NR6A1: variants seen among roughly 807,000 people sequenced by gnomAD.
NR6A1 encodes the protein nuclear receptor subfamily 6 group A member 1, also known as retinoic acid receptor-related testis-associated receptor.
NR6A1 carries 7 observed loss-of-function variants against 59.1 expected under a neutral mutation model. That is an observed-to-expected ratio of 0.12 (90% CI 0.07 to 0.22). NR6A1 has a LOEUF of 0.22. Among genes scored for constraint, NR6A1 ranks in the 10% least tolerant of loss-of-function variants. The pLI is 1.00. For synonymous variants in NR6A1, 243 were observed against 236.1 expected (o/e 1.03, Z -0.27); for missense variants, 468 against 611.6 (o/e 0.77, Z 2.48).
chr9:124,740,519 G>A (rs1031077838), intron 1 of NR6A1, among the ~76,000 whole-genome samples: 1 of 152,116 alleles, frequency 6.6e-6, no homozygotes. Flanking sequence ...GTCAAAATAG[G>A]TCTTGAAATT....
rs560418028 is a variant in NR6A1, at chr9:124,655,659, T to C, written c.142+77649A>G. On this transcript the variant is annotated intron_variant, in intron 2 of 9. Transcript: ENST00000487099. ...TAACAGAATTACTAGGAATATAGTATGTATTAGGTGTCATCCAGGAAGGCT... is the reference window on the plus strand; with the variant it reads ...TAACAGAATTACTAGGAATATAGTACGTATTAGGTGTCATCCAGGAAGGCT... Among the ~76,000 whole-genome samples, 91 of 152,206 alleles carry C rather than the reference T, an allele frequency of 6.0e-4. 1 individual carries two copies. The South Asian group carries it at 0.018, about 30-fold the overall frequency.
At chr9:124,632,595 A>C (rs997032584) in intron 2 of NR6A1, among the ~76,000 whole-genome samples, 1 of 152,152 alleles carries the variant, frequency 6.6e-6, no homozygotes, top group Non-Finnish European at 1.5e-5. Flanking sequence ...TTTTAGATTT[A>C]GGAGAAAGGA....
At chr9:124,680,856 T>G (rs1838130865) in intron 2 of NR6A1, among the ~76,000 whole-genome samples, 1 of 152,228 alleles carries the variant, frequency 6.6e-6, no homozygotes, top group African/African-American at 2.4e-5. Context: ...TTTCACTATG[T>G]TGACATTTGT....
intron 2 of NR6A1, among the ~76,000 whole-genome samples, chr9:124,607,811 AAGTT>A (rs1835616008): frequency 6.6e-6 from 1 of 152,270 alleles, no homozygotes; most frequent in African/African-American, 2.4e-5. Context: ...TTGGCAGTCT[AAGTT>A]AGGATGATCG....
intron 2 of NR6A1, among the ~76,000 whole-genome samples, chr9:124,632,524 G>C (rs1836477071): frequency 6.6e-6 from 1 of 152,110 alleles, no homozygotes; most frequent in Non-Finnish European, 1.5e-5. Context: ...TTTGTTTCTT[G>C]TAAATTTGTT....
intron 2 of NR6A1, among the ~76,000 whole-genome samples, chr9:124,652,270 CCCT>C (rs957989528): frequency 6.6e-6 from 1 of 152,114 alleles, no homozygotes; most frequent in Non-Finnish European, 1.5e-5. Context: ...TAGGAATGTC[CCCT>C]CCTCAACTGT....
chr9:124,765,077 A>C (rs1404802632), intron 1 of NR6A1, among the ~76,000 whole-genome samples: 1 of 152,216 alleles, frequency 6.6e-6, no homozygotes, highest in African/African-American at 2.4e-5. Flanking sequence ...TAGAATCCAA[A>C]GGCCTCATCA....
intron 5 of NR6A1, among the ~76,000 whole-genome samples, chr9:124,539,474 A>G (rs1188173587): frequency 1.3e-5 from 2 of 152,346 alleles, no homozygotes; most frequent in Admixed American, 6.5e-5. Context: ...TCCATATCCT[A>G]TAAGAAAGGT....
chr9:124,526,290 G>A (rs1313110483), intron 8 of NR6A1, among the ~76,000 whole-genome samples: 2 of 110,292 alleles, frequency 1.8e-5, no homozygotes, highest in African/African-American at 7.1e-5. Flanking sequence ...ATGTGTGTAT[G>A]TGTGTGTGTG....
intron 1 of NR6A1, among the ~76,000 whole-genome samples, chr9:124,738,566 G>A (rs558449573): frequency 7.2e-5 from 11 of 152,146 alleles, no homozygotes; most frequent in East Asian, 1.9e-4. Flanking sequence ...AGATAAATGC[G>A]TACTGAAAAA....
chr9:124,637,905 AAAAAAAAG>A, intron 2 of NR6A1, among the ~76,000 whole-genome samples: 1 of 151,096 alleles, frequency 6.6e-6, no homozygotes, highest in Middle Eastern at 3.4e-3. Context: ...AAAAAAAAAA[AAAAAAAAG>A]AAAAAAAGGG....
chr9:124,754,954 C>T (rs1251509827), intron 1 of NR6A1, among the ~76,000 whole-genome samples: 1 of 152,110 alleles, frequency 6.6e-6, no homozygotes, highest in African/African-American at 2.4e-5. Context: ...TTCCACTCAA[C>T]TGTCAAAAAA....
chr9:124,572,639 C>G (rs186254120), intron 2 of NR6A1, among the ~76,000 whole-genome samples: 2 of 152,254 alleles, frequency 1.3e-5, no homozygotes, highest in East Asian at 1.9e-4. Flanking sequence ...TGTTCGCACA[C>G]GTCAGTGGAA....
intron 2 of NR6A1, among the ~76,000 whole-genome samples, chr9:124,593,798 T>G (rs1442999952): frequency 6.6e-6 from 1 of 152,274 alleles, no homozygotes; most frequent in East Asian, 1.9e-4. Context: ...CTTACGGCTC[T>G]CTCTCTCTCT....
At chr9:124,542,757 T>C (rs2131361454) in intron 4 of NR6A1, among the ~76,000 whole-genome samples, 1 of 152,344 alleles carries the variant, frequency 6.6e-6, no homozygotes, top group Middle Eastern at 3.4e-3. Flanking sequence ...TCTGTCTTGC[T>C]ATGTCGCCCA....
intron 2 of NR6A1, among the ~76,000 whole-genome samples, chr9:124,712,678 C>T (rs1839312971): frequency 6.6e-6 from 1 of 151,752 alleles, no homozygotes; most frequent in Non-Finnish European, 1.5e-5. Flanking sequence ...CTCTTCTACA[C>T]ATAATCACAA....
chr9:124,525,966 C>T (rs1430793690), intron 8 of NR6A1, among the ~76,000 whole-genome samples: 1 of 152,110 alleles, frequency 6.6e-6, no homozygotes, highest in Non-Finnish European at 1.5e-5. Context: ...GCATGCAGAA[C>T]ACCAGATAAA....
chr9:124,670,164 G>C (rs1028681313), intron 2 of NR6A1, among the ~76,000 whole-genome samples: 2 of 149,534 alleles, frequency 1.3e-5, no homozygotes, highest in Admixed American at 1.3e-4. Flanking sequence ...AGGACTGCTT[G>C]AAGCCAGGAG....
intron 9 of NR6A1, among the ~76,000 whole-genome samples, chr9:124,523,912 A>G (rs896540023): frequency 3.3e-5 from 5 of 152,222 alleles, no homozygotes; most frequent in Admixed American, 6.5e-5. Context: ...GCTGCCCCTC[A>G]GTATCTGCTG....
Sources: gnomAD v4.1 joint callset for allele counts (sites outside exome capture counted in the v4.1 genomes callset) on GRCh38, gnomAD v4.1.1 for gene constraint, MANE v1.5 for transcripts, NCBI Gene and HGNC (gene_info 2026-07-23, HGNC 2026-07-21) for gene names.